Variants in FCHSD2 observed in about 807,000 individuals in gnomAD.
The protein encoded by FCHSD2 is FCH and double SH3 domains 2.
A neutral mutation model predicts 108.1 loss-of-function variants in FCHSD2; 38 were observed. The ratio of observed to expected loss-of-function variants is 0.35; its 90% confidence interval spans 0.27 to 0.46. The LOEUF is 0.46. Among genes scored for constraint, FCHSD2 ranks in the 20% least tolerant of loss-of-function variants. FCHSD2 has a pLI of 1.00. For synonymous variants in FCHSD2, 279 were observed against 314.7 expected, an observed-to-expected ratio of 0.89 and a Z score of 1.20; for missense variants, 751 against 897.8, an observed-to-expected ratio of 0.84 and a Z score of 2.09.
At chr11:72,944,460 A>C (rs1038707262) in intron 8 of FCHSD2, among the ~76,000 whole-genome samples, 36 of 152,168 alleles carry the variant, frequency 2.4e-4, no homozygotes, top group Admixed American at 7.9e-4. Context: ...ATGGGCAAAA[A>C]CTGGAAGCAT....
intron 2 of FCHSD2, among the ~76,000 whole-genome samples, chr11:73,108,309 C>T (rs1323177241): frequency 2.0e-5 from 3 of 152,204 alleles, no homozygotes; most frequent in East Asian, 3.8e-4. Flanking sequence ...TTACTAATCC[C>T]TGGTAAGATA....
chr11:73,058,466 A>G (rs1006870026), intron 3 of FCHSD2, among the ~76,000 whole-genome samples: 1 of 152,228 alleles, frequency 6.6e-6, no homozygotes, highest in Non-Finnish European at 1.5e-5. Flanking sequence ...TACTACTAGT[A>G]TAACACATGA....
intron 13 of FCHSD2, among the ~76,000 whole-genome samples, chr11:72,860,986 T>C (rs1480147439): frequency 6.6e-6 from 1 of 152,154 alleles, no homozygotes; most frequent in African/African-American, 2.4e-5. Flanking sequence ...CCTCAGTTTC[T>C]ATCTTACAAA....
intron 8 of FCHSD2, among the ~76,000 whole-genome samples, chr11:72,958,100 T>C (rs903348273): frequency 2.6e-5 from 4 of 152,220 alleles, no homozygotes; most frequent in African/African-American, 4.8e-5. Flanking sequence ...CTTAAAATAT[T>C]TTGGCTTCAT....
chr11:72,988,621 G>A (rs997148601), intron 6 of FCHSD2, among the ~76,000 whole-genome samples: 6 of 152,118 alleles, frequency 3.9e-5, no homozygotes, highest in African/African-American at 1.4e-4. Context: ...TCCAGCATGA[G>A]AAAAATGAGG....
chr11:73,140,266 G>T, intron 1 of FCHSD2, 138 bp from the exon 2 acceptor site: 7 of 510,626 alleles, frequency 1.4e-5, no homozygotes, highest in East Asian at 3.3e-5. Flanking sequence ...TCGCCATCTA[G>T]TTTTATTTAT....
At chr11:73,132,020 C>T (rs988419656) in intron 2 of FCHSD2, among the ~76,000 whole-genome samples, 1 of 152,162 alleles carries the variant, frequency 6.6e-6, no homozygotes, top group East Asian at 1.9e-4. Context: ...CTATCAAAAG[C>T]CCAGGTGATC....
chr11:73,050,452 T>C lies in FCHSD2; in HGVS notation c.165+33243A>G, dbSNP rs182651788. ...TAGAAAGAATATTACTATAAACATA[T>C]ATGGGACGGGTCACCTTTATCACAA... On this transcript the variant is annotated intron_variant, in intron 3 of 19. Coordinates refer to ENST00000409418, the MANE Select transcript of FCHSD2 (RefSeq NM_014824.3). 1.0e-3 allele frequency among the ~76,000 whole-genome samples: 158 copies of C among 152,322 alleles called. 1 individual carries two copies. The highest frequency in any genetic ancestry group is 2.1e-3 in the Non-Finnish European group (145 of 68,026).
chr11:73,033,858 GTATT>G (rs1858424658), intron 3 of FCHSD2, among the ~76,000 whole-genome samples: 1 of 152,092 alleles, frequency 6.6e-6, no homozygotes, highest in African/African-American at 2.4e-5. Flanking sequence ...CTAGTATACT[GTATT>G]TACCTATTTG....
intron 3 of FCHSD2, among the ~76,000 whole-genome samples, chr11:73,063,144 A>G (rs1297981522): frequency 1.3e-5 from 2 of 152,218 alleles, no homozygotes. Flanking sequence ...CAACATTCTT[A>G]AAGAAAAGAA....
intron 2 of FCHSD2, among the ~76,000 whole-genome samples, chr11:73,085,769 C>A (rs1404073182): frequency 6.6e-6 from 1 of 151,568 alleles, no homozygotes; most frequent in Admixed American, 6.6e-5. Flanking sequence ...AGAGTTACCA[C>A]AAATCTGGTA....
intron 4 of FCHSD2, among the ~76,000 whole-genome samples, chr11:73,013,937 C>T (rs1329153303): frequency 1.3e-5 from 2 of 152,138 alleles, no homozygotes; most frequent in African/African-American, 4.8e-5. Flanking sequence ...TTGGATCCTT[C>T]TTTACTGCAA....
chr11:72,875,492 T>C (rs906464717), intron 12 of FCHSD2, among the ~76,000 whole-genome samples: 41 of 152,136 alleles, frequency 2.7e-4, no homozygotes, highest in African/African-American at 9.4e-4. Flanking sequence ...TGCCACCACA[T>C]CTAATGTTAA....
intron 13 of FCHSD2, among the ~76,000 whole-genome samples, chr11:72,850,447 G>A (rs1488390552): frequency 6.6e-6 from 1 of 151,384 alleles, no homozygotes; most frequent in Non-Finnish European, 1.5e-5. Flanking sequence ...CGTGATCTCG[G>A]CTCACTGCAA....
At chr11:72,988,704 C>G (rs933817044) in intron 6 of FCHSD2, among the ~76,000 whole-genome samples, 1 of 152,158 alleles carries the variant, frequency 6.6e-6, no homozygotes, top group Non-Finnish European at 1.5e-5. Flanking sequence ...TCTGTAAATA[C>G]AATGTTCATT....
intron 8 of FCHSD2, among the ~76,000 whole-genome samples, chr11:72,941,401 T>C (rs1202974746): frequency 6.6e-6 from 1 of 151,074 alleles, no homozygotes; most frequent in South Asian, 2.1e-4. Context: ...ATTTATATAA[T>C]TTTTATATTT....
intron 3 of FCHSD2, among the ~76,000 whole-genome samples, chr11:73,048,340 G>T (rs1411681079): frequency 6.6e-6 from 1 of 152,138 alleles, no homozygotes; most frequent in Non-Finnish European, 1.5e-5. Context: ...TGATAGTCTA[G>T]TACTGGCTTG....
chr11:73,055,830 A>G (rs1257945804), intron 3 of FCHSD2, among the ~76,000 whole-genome samples: 1 of 152,188 alleles, frequency 6.6e-6, no homozygotes, highest in African/African-American at 2.4e-5. Context: ...GCAAATTTAT[A>G]GAAACAGAAA....
chr11:73,051,919 C>T lies in FCHSD2; in HGVS notation c.165+31776G>A, dbSNP rs185211439. Among the ~76,000 whole-genome samples, 715 of 149,800 alleles carry T rather than the reference C, an allele frequency of 4.8e-3. 4 individuals carry two copies. Among genetic ancestry groups the T allele is most frequent in the African/African-American group, 0.017 (694 of 40,384 alleles). ...CACACACACACACACACACACACCC[C>T]ACACACACTGACATCAGGGAAAAAT... On this transcript the variant is annotated intron_variant, in intron 3 of 19. Coordinates refer to ENST00000409418, the MANE Select transcript of FCHSD2 (RefSeq NM_014824.3).
Sources: allele counts gnomAD v4.1 joint callset (sites outside exome capture counted in the v4.1 genomes callset), GRCh38; gene constraint gnomAD v4.1.1; transcripts MANE v1.5; gene names NCBI Gene and HGNC (gene_info 2026-07-23, HGNC 2026-07-21).